The following KLHDC1 variants were observed in gnomAD, a reference collection of about 807,000 sequenced individuals.
KLHDC1 encodes the protein kelch domain-containing protein 1.
A neutral mutation model predicts 68.3 loss-of-function variants in KLHDC1; 53 were observed. The observed-to-expected ratio is 0.78, with a 90% CI of 0.62 to 0.98. The LOEUF (loss-of-function observed/expected upper bound fraction) is 0.98. Among genes scored for constraint, KLHDC1 ranks in the 50% least tolerant of loss-of-function variants. KLHDC1 has a pLI of 0.00. For synonymous variants in KLHDC1, 148 were observed against 159.0 expected (o/e 0.93, Z 0.52); for missense variants, 470 against 492.3 (o/e 0.95, Z 0.43).
intron 4 of KLHDC1, among the ~76,000 whole-genome samples, chr14:49,718,136 G>A (rs56232481): frequency 0.02 from 2,978 of 151,398 alleles, 43 homozygotes; most frequent in Non-Finnish European, 0.03. Context: ...TCCTTCCACC[G>A]CAGCCTCCCA....
intron 12 of KLHDC1, among the ~76,000 whole-genome samples, chr14:49,745,761 G>A (rs939044684): frequency 2.1e-4 from 32 of 152,222 alleles, no homozygotes; most frequent in Admixed American, 1.8e-3. Flanking sequence ...CTGGAATGTA[G>A]TATGAGGCAG....
At chr14:49,747,499 A>T (rs1889228829) in intron 12 of KLHDC1, among the ~76,000 whole-genome samples, 1 of 152,208 alleles carries the variant, frequency 6.6e-6, no homozygotes, top group South Asian at 2.1e-4. Flanking sequence ...GATTTTAGCA[A>T]ACAGATTTTT....
chr14:49,728,826 G>T (rs1888733151), intron 6 of KLHDC1, 100 bp from the exon 7 acceptor site: 1 of 839,584 alleles, frequency 1.2e-6, no homozygotes, highest in Non-Finnish European at 2.0e-6. Context: ...CATAGGTAAT[G>T]ATAACTTAGT....
chr14:49,716,605 A>G (rs1888384381), intron 4 of KLHDC1, among the ~76,000 whole-genome samples: 1 of 152,032 alleles, frequency 6.6e-6, no homozygotes, highest in Admixed American at 6.6e-5. Context: ...GCTTGTCTCA[A>G]ACTCCTGACC....
chr14:49,727,254 CAA>C (rs201626506), intron 6 of KLHDC1, among the ~76,000 whole-genome samples: 5 of 139,274 alleles, frequency 3.6e-5, no homozygotes, highest in Non-Finnish European at 1.6e-5. Flanking sequence ...CCGTCTGTAC[CAA>C]AAAAAAAAAA....
chr14:49,700,013 T>C, intron 1 of KLHDC1: 1 of 359,864 alleles, frequency 2.8e-6, no homozygotes, highest in Non-Finnish European at 5.3e-6. Flanking sequence ...CAATTGATAA[T>C]ATGTTTTGCT....
intron 12 of KLHDC1, chr14:49,750,957 T>C (rs1321243376): frequency 3.3e-5 from 5 of 152,172 alleles, no homozygotes; most frequent in Non-Finnish European, 7.3e-5. Context: ...CAGTTGTTTA[T>C]GGAAGAAACA....
intron 10 of KLHDC1, among the ~76,000 whole-genome samples, chr14:49,734,989 A>T (rs1037954815): frequency 6.6e-6 from 1 of 152,060 alleles, no homozygotes; most frequent in African/African-American, 2.4e-5. Context: ...AATTTTAATA[A>T]GCAGACAAAA....
At chr14:49,703,952 A>C (rs1788667283) in intron 1 of KLHDC1, among the ~76,000 whole-genome samples, 1 of 152,224 alleles carries the variant, frequency 6.6e-6, no homozygotes, top group Non-Finnish European at 1.5e-5. Flanking sequence ...GGGCATGTAC[A>C]TTCCCTAGGG....
At chr14:49,734,096 G>T (rs1022084736) in intron 9 of KLHDC1, among the ~76,000 whole-genome samples, 4 of 151,892 alleles carry the variant, frequency 2.6e-5, no homozygotes, top group Admixed American at 2.6e-4. Flanking sequence ...TCTGTTTTTG[G>T]TCATTGACCT....
In KLHDC1 at chr14:49,741,982, T is replaced by C. The variant is rs370203317; in HGVS notation, c.982-1771T>C. 8.5e-5 allele frequency among the ~76,000 whole-genome samples: 13 copies of C among 152,284 alleles called. 1 individual carries two copies. The South Asian group carries it at 2.7e-3, about 32-fold the overall frequency. ...GAGCTGCTCCTATGGAGTGGCAAAC[T>C]CCAAAGCAGGATGGCTTCTCTCCAT... On this transcript the variant is annotated intron_variant, in intron 11 of 12. Transcript: ENST00000359332.
chr14:49,709,923 T>A, intron 3 of KLHDC1, 97 bp downstream of exon 3: 1 of 641,622 alleles, frequency 1.6e-6, no homozygotes, highest in Non-Finnish European at 2.6e-6. Context: ...AAGATATATA[T>A]AGAAAACCTT....
chr14:49,749,677 CAAAAAA>C (rs1191978580), intron 12 of KLHDC1, among the ~76,000 whole-genome samples: 2 of 53,796 alleles, frequency 3.7e-5, no homozygotes, highest in Non-Finnish European at 7.9e-5. Flanking sequence ...GACTCCGTCT[CAAAAAA>C]AAAAAAAAAA....
chr14:49,731,335 T>C (rs747513503), intron 8 of KLHDC1, among the ~76,000 whole-genome samples: 2 of 152,212 alleles, frequency 1.3e-5, no homozygotes, highest in African/African-American at 4.8e-5. Flanking sequence ...ATTTCCGTTT[T>C]GTAAAAAACA....
At chr14:49,746,006 T>G (rs908684586) in intron 12 of KLHDC1, among the ~76,000 whole-genome samples, 1 of 152,176 alleles carries the variant, frequency 6.6e-6, no homozygotes, top group Non-Finnish European at 1.5e-5. Flanking sequence ...ATTACAGTGG[T>G]CAGGTACAGA....
intron 1 of KLHDC1, among the ~76,000 whole-genome samples, chr14:49,704,207 C>T (rs1439467869): frequency 7.2e-5 from 11 of 151,992 alleles, no homozygotes; most frequent in Non-Finnish European, 7.4e-5. Flanking sequence ...TAAAATTGAG[C>T]GTCTAACTTT....
intron 4 of KLHDC1, among the ~76,000 whole-genome samples, chr14:49,714,606 T>G (rs1342446807): frequency 6.6e-6 from 1 of 151,786 alleles, no homozygotes; most frequent in Non-Finnish European, 1.5e-5. Flanking sequence ...AGACCTCATC[T>G]CTACAAAAAG....
intron 4 of KLHDC1, among the ~76,000 whole-genome samples, chr14:49,722,021 C>T (rs1202589081): frequency 6.6e-6 from 1 of 152,190 alleles, no homozygotes; most frequent in East Asian, 1.9e-4. Flanking sequence ...ATTTTCTCAG[C>T]TCTCCTCTGC....
Position 49,723,880 on chromosome 14 carries a change from A to G in KLHDC1, c.411A>G (p.Ile137Met), listed in dbSNP as rs1888600127. The change falls in exon 5 of 13, where the codon ATA (isoleucine) becomes ATG (methionine). Residue 137 changes from isoleucine (I) to methionine (M), a missense_variant. By Grantham distance (10) the Ile-to-Met change is conservative. Transcript: ENST00000359332. ...TTTCGTATTTGTTTTTCAGACTAAT[A>G]TATTTTGGTGGTTATGGGTGTAGGA... The part of the protein sequence containing the change: ...LSCWVYKDRL[I>M]YFGGYGCRRH... 1 of 1,577,012 alleles carries G rather than the reference A, an allele frequency of 6.3e-7. No homozygotes were observed. The highest frequency in any genetic ancestry group is 1.1e-5 in the South Asian group (1 of 87,846).
Sources: gnomAD v4.1 joint callset for allele counts (sites outside exome capture counted in the v4.1 genomes callset) on GRCh38, gnomAD v4.1.1 for gene constraint, MANE v1.5 for transcripts, NCBI Gene and HGNC (gene_info 2026-07-23, HGNC 2026-07-21) for gene names.